The following MTHFD1 variants were observed in gnomAD, a reference collection of about 807,000 sequenced individuals.
MTHFD1 encodes methylenetetrahydrofolate dehydrogenase, cyclohydrolase and formyltetrahydrofolate synthetase 1.
A neutral mutation model predicts 110.3 loss-of-function variants in MTHFD1; 44 were observed. The ratio of observed to expected loss-of-function variants is 0.40; its 90% confidence interval spans 0.31 to 0.51. The LOEUF is 0.51. Ranked by LOEUF, MTHFD1 falls within the 20% of genes least tolerant of loss-of-function variation. The probability of loss-of-function intolerance (pLI) is 0.60; values close to 1 mark genes in which losing one functional copy is unlikely to be tolerated. For missense variants in MTHFD1, 909 were observed against 1,173.1 expected, an observed-to-expected ratio of 0.77 and a Z score of 3.29; for synonymous variants, 402 against 428.8, an observed-to-expected ratio of 0.94 and a Z score of 0.77.
intron 1 of MTHFD1, among the ~76,000 whole-genome samples, chr14:64,396,431 GC>G (rs2077849687): frequency 8.4e-6 from 1 of 118,778 alleles, no homozygotes; most frequent in Non-Finnish European, 1.7e-5. Flanking sequence ...CACTCTTGTT[GC>G]CTAGGCTGGA....
intron 4 of MTHFD1, among the ~76,000 whole-genome samples, chr14:64,414,656 ATTTT>A (rs564110675): frequency 8.1e-6 from 1 of 124,024 alleles, no homozygotes; most frequent in Non-Finnish European, 1.7e-5. Context: ...CCCAGCCCTA[ATTTT>A]TTTTTTTTTT....
At chr14:64,435,039 T>A (rs2078195022) in intron 15 of MTHFD1, among the ~76,000 whole-genome samples, 1 of 134,770 alleles carries the variant, frequency 7.4e-6, no homozygotes, top group African/African-American at 2.7e-5. Context: ...AACCTCTACC[T>A]CCTGGGTTCA....
In MTHFD1 at chr14:64,449,457, G is replaced by C. The variant is rs918705986; in HGVS notation, c.2292G>C (p.Glu764Asp). The part of the protein sequence containing the change: ...VAVNAFKTDT[E>D]SELDLISRLS... ...GCTTCCTTTATAGGACGGATACAGAGTCTGAGCTGGACCTCATCAGCCGCC... is the reference window on the plus strand; with the variant it reads ...GCTTCCTTTATAGGACGGATACAGACTCTGAGCTGGACCTCATCAGCCGCC... The change falls in exon 24 of 28, where the codon GAG (glutamate) becomes GAC (aspartate). Residue 764 changes from glutamate (E) to aspartate (D), a missense_variant. By Grantham distance (45) the Glu-to-Asp change is conservative. Coordinates refer to ENST00000652337, the MANE Select transcript of MTHFD1 (RefSeq NM_005956.4). 6.2e-7 allele frequency: 1 copy of C among 1,613,428 alleles called. No homozygotes were observed. Among genetic ancestry groups the C allele is most frequent in the Non-Finnish European group, 8.5e-7 (1 of 1,180,038 alleles).
At chr14:64,421,167 C>T (rs2078067065) in intron 8 of MTHFD1, among the ~76,000 whole-genome samples, 1 of 151,988 alleles carries the variant, frequency 6.6e-6, no homozygotes, top group African/African-American at 2.4e-5. Context: ...TTCCTTCTCT[C>T]CCTCCCTCCT....
chr14:64,409,421 A>G (rs1415598594), intron 2 of MTHFD1, among the ~76,000 whole-genome samples: 1 of 152,256 alleles, frequency 6.6e-6, no homozygotes, highest in Non-Finnish European at 1.5e-5. Flanking sequence ...AGCAAGTGAT[A>G]AAACAATTTA....
chr14:64,443,795 T>G (rs2078266851), intron 21 of MTHFD1, among the ~76,000 whole-genome samples: 1 of 152,076 alleles, frequency 6.6e-6, no homozygotes, highest in Non-Finnish European at 1.5e-5. Flanking sequence ...CCTCCTGACC[T>G]CACAGTCAGG....
chr14:64,435,956 T>G (rs1364509646), intron 16 of MTHFD1, among the ~76,000 whole-genome samples: 2 of 152,226 alleles, frequency 1.3e-5, no homozygotes, highest in African/African-American at 2.4e-5. Flanking sequence ...TTTTACAAAT[T>G]TAATTTTATG....
intron 21 of MTHFD1, among the ~76,000 whole-genome samples, chr14:64,444,338 G>A (rs2078272939): frequency 6.6e-6 from 1 of 151,356 alleles, no homozygotes; most frequent in Non-Finnish European, 1.5e-5. Context: ...CCGCAGGCCC[G>A]ACCGCTTCCT....
At chr14:64,455,978 G>T (rs2078466018) in intron 26 of MTHFD1, among the ~76,000 whole-genome samples, 1 of 152,196 alleles carries the variant, frequency 6.6e-6, no homozygotes, top group African/African-American at 2.4e-5. Context: ...ATCCCTTGTG[G>T]TAGGAATTTT....
chr14:64,447,725 C>T (rs2078304605), intron 22 of MTHFD1, among the ~76,000 whole-genome samples: 2 of 152,108 alleles, frequency 1.3e-5, no homozygotes, highest in Non-Finnish European at 2.9e-5. Context: ...GCAGTATTTA[C>T]GGCAGCCATA....
At position 64,408,536 on chromosome 14, in the gene MTHFD1, G is replaced by T. The variant is rs573250755; in HGVS notation, c.127-2554G>T. On this transcript the variant is annotated intron_variant, in intron 2 of 27. Coordinates refer to ENST00000652337, the MANE Select transcript of MTHFD1 (RefSeq NM_005956.4). ...ACTCCTGACCTTAGGTGATCTGCCC[G>T]CCTTAGCCTCCCAAAGTGCTGGGAT... 3.9e-3 allele frequency among the ~76,000 whole-genome samples: 593 copies of T among 152,174 alleles called. 4 individuals are homozygous for T. The highest frequency in any genetic ancestry group is 0.013 in the African/African-American group (551 of 41,524).
chr14:64,455,150 A>C, intron 26 of MTHFD1: 1 of 434,508 alleles, frequency 2.3e-6, no homozygotes, highest in Admixed American at 3.5e-5. Context: ...CTCTTCACTG[A>C]ATCTAGGATG....
chr14:64,399,515 C>T (rs879935790), intron 1 of MTHFD1, among the ~76,000 whole-genome samples: 3 of 151,898 alleles, frequency 2.0e-5, no homozygotes, highest in Non-Finnish European at 2.9e-5. Context: ...AAAAATTAGC[C>T]GGGCGTGGTG....
chr14:64,455,481 C>CA (rs2078456152), intron 26 of MTHFD1, among the ~76,000 whole-genome samples: 2 of 152,230 alleles, frequency 1.3e-5, no homozygotes, highest in Admixed American at 1.3e-4. Flanking sequence ...AGTTGGGAAG[C>CA]AGAGGGGAGG....
At chr14:64,410,550 A>G (rs2077975875) in intron 2 of MTHFD1, among the ~76,000 whole-genome samples, 1 of 152,094 alleles carries the variant, frequency 6.6e-6, no homozygotes, top group Non-Finnish European at 1.5e-5. Context: ...GGGCCAGCAG[A>G]TTGCCCTTTG....
intron 1 of MTHFD1, among the ~76,000 whole-genome samples, chr14:64,393,893 G>A (rs1275447635): frequency 6.6e-6 from 1 of 152,116 alleles, no homozygotes; most frequent in Non-Finnish European, 1.5e-5. Flanking sequence ...AGAGGTTAAG[G>A]GGCAGGGATG....
intron 12 of MTHFD1, among the ~76,000 whole-genome samples, chr14:64,428,085 C>T (rs1056856020): frequency 2.6e-4 from 37 of 144,122 alleles, no homozygotes; most frequent in Non-Finnish European, 4.5e-4. Flanking sequence ...TTTATTGCTG[C>T]GGTACTAAGA....
chr14:64,412,644 T>TA, intron 4 of MTHFD1, 119 bp downstream of exon 4: 1 of 733,310 alleles, frequency 1.4e-6, no homozygotes, highest in Non-Finnish European at 2.3e-6. Flanking sequence ...ATTTTTTTTT[T>TA]TTTTTTTTTT....
At position 64,417,654 on chromosome 14, in the gene MTHFD1, TGGCTTAAGCTGCTCCCAAAAACCCAC is replaced by T. The variant is rs1284602635; in HGVS notation, c.479-230_479-205del. The stretch of plus-strand genomic sequence containing the variant: ...TCCCCTATGACTCAATGAATGATCT[TGGCTTAAGCTGCTCCCAAAAACCCAC>T]GGCCAGAAGGACACAAGTACAAGTC... On this transcript the variant is annotated intron_variant, in intron 6 of 27. Transcript: ENST00000652337. The surrounding 1 kb of genome is among the most constrained non-coding windows in gnomAD (Gnocchi z 4.4). Among the ~76,000 whole-genome samples, 3 of 152,186 alleles carry T rather than the reference TGGCTTAAGCTGCTCCCAAAAACCCAC, an allele frequency of 2.0e-5. No homozygotes were observed. The highest frequency in any genetic ancestry group is 4.4e-5 in the Non-Finnish European group (3 of 68,028).
Sources: gnomAD v4.1 joint callset for allele counts (sites outside exome capture counted in the v4.1 genomes callset) on GRCh38, gnomAD v4.1.1 for gene constraint, Gnocchi (gnomAD v3.1) non-coding constraint, MANE v1.5 for transcripts, NCBI Gene and HGNC (gene_info 2026-07-23, HGNC 2026-07-21) for gene names.